The following MCM3AP variants were observed in gnomAD, a reference collection of about 807,000 sequenced individuals.
MCM3AP encodes germinal-center associated nuclear protein.
In MCM3AP, 126 loss-of-function variants were observed where a neutral mutation model predicts 184.1. The ratio of observed to expected loss-of-function variants is 0.68; its 90% CI spans 0.59 to 0.79. The LOEUF (loss-of-function observed/expected upper bound fraction) is 0.79. MCM3AP is among the 30% of genes least tolerant of loss of function. The pLI is 0.00. For missense variants in MCM3AP, 2,496 were observed against 2,479.2 expected (o/e 1.01, Z -0.14); for synonymous variants, 1,002 against 979.3 (o/e 1.02, Z -0.43).
intron 26 of MCM3AP, among the ~76,000 whole-genome samples, chr21:46,237,440 T>TTCCAAAACATATTC (rs1359432449): frequency 1.3e-4 from 16 of 125,646 alleles, no homozygotes; most frequent in Admixed American, 3.4e-4. Flanking sequence ...GGTCTCGCTC[T>TTCCAAAACATATTC]GTTGGCCAGG....
At chr21:46,258,502 C>A (rs1393275382) in intron 16 of MCM3AP, among the ~76,000 whole-genome samples, 1 of 152,108 alleles carries the variant, frequency 6.6e-6, no homozygotes, top group Non-Finnish European at 1.5e-5. Context: ...TCTGAAACAA[C>A]CTATTTAGTT....
Position 46,240,947 on chromosome 21 carries a change from A to C in MCM3AP, c.5497T>G (p.Trp1833Gly). ...TGAGCACACTCTGTGCTCCTCTTCC[A>C]GTTACGGTGCATGTGAAGCAATGGT... Reference protein sequence around the residue: ...PIPLLHMHRNWKRSTECAQEG... With the variant: ...PIPLLHMHRNGKRSTECAQEG... The change falls in exon 26 of 28, where the codon TGG becomes GGG. Residue 1833 changes from tryptophan to glycine, a missense_variant. By Grantham distance (184) the Trp-to-Gly change is radical. This residue lies in a region of MCM3AP where 1,323 missense variants were observed against 1,273.4 expected (regional missense o/e 1.04). Transcript: ENST00000291688. The C allele has an allele frequency of 6.2e-7, 1 of 1,614,138 alleles. No homozygotes were observed. Among genetic ancestry groups the C allele is most frequent in the Non-Finnish European group, 8.5e-7 (1 of 1,179,978 alleles).
chr21:46,242,996 AAAACAC>A, intron 24 of MCM3AP, 65 bp from the exon 25 acceptor site: 15 of 1,411,174 alleles, frequency 1.1e-5, no homozygotes, highest in Admixed American at 4.9e-5. Flanking sequence ...AAAAAAAAAA[AAAACAC>A]ACACAAAAAA....
rs762638313 is a variant in MCM3AP, at chr21:46,240,948, G to A, written c.5496C>T (p.Asn1832=). ...GAGCACACTCTGTGCTCCTCTTCCA[G>A]TTACGGTGCATGTGAAGCAATGGTA... The part of the protein sequence containing the change: ...FPIPLLHMHR[N]WKRSTECAQE... The change falls in exon 26 of 28, where the codon AAC becomes AAT. Residue 1832 remains asparagine, a synonymous_variant. Transcript: ENST00000291688. 6.2e-7 allele frequency: 1 copy of A among 1,614,178 alleles called. No individual in the cohort carries two copies. Among genetic ancestry groups the A allele is most frequent in the South Asian group, 1.1e-5 (1 of 91,084 alleles).
At chr21:46,258,907 G>GA (rs2080997489) in intron 16 of MCM3AP, 32 bp downstream of exon 16, 5 of 1,612,450 alleles carry the variant, frequency 3.1e-6, no homozygotes, top group Non-Finnish European at 4.2e-6. Context: ...CCCCGTGTGT[G>GA]TGGATTTTGC....
chr21:46,259,101 G>A lies in MCM3AP; in HGVS notation c.3582-10C>T, dbSNP rs2081001489. The A allele has an allele frequency of 1.2e-6, 2 of 1,601,684 alleles. No homozygotes were observed. Among genetic ancestry groups the A allele is most frequent in the Non-Finnish European group, 1.7e-6 (2 of 1,174,392 alleles). On this transcript the variant is annotated splice_polypyrimidine_tract_variant and intron_variant, in intron 15 of 27. Transcript: ENST00000291688. The stretch of plus-strand genomic sequence containing the variant: ...TGTCTCTACTGCATTCCTAGAAACA[G>A]GGCAATCAGCATGGAAGACACTGCA...
chr21:46,258,393 A>G (rs989744831), intron 16 of MCM3AP, among the ~76,000 whole-genome samples: 1 of 152,226 alleles, frequency 6.6e-6, no homozygotes, highest in Admixed American at 6.5e-5. Context: ...AGTTGTGGCC[A>G]TGAGAGGCAC....
In MCM3AP at chr21:46,235,313, G is replaced by C. The variant is rs766396220; in HGVS notation, c.5898C>G (p.Ala1966=). ...GCAGCGCAGAGAGATGGAGCTCAGA[G>C]GCAACTTCCTCTTCCCTTGAACTCC... The part of the protein sequence containing the change: ...LIRSSREEEV[A]SELHLSALLD... Residue 1966 remains alanine, a synonymous_variant, in exon 28 of 28, where the codon GCC becomes GCG. Transcript: ENST00000291688. The C allele has an allele frequency of 2.5e-6, 4 of 1,614,168 alleles. No individual in the cohort carries two copies. The highest frequency in any genetic ancestry group is 3.4e-6 in the Non-Finnish European group (4 of 1,180,028).
chr21:46,261,419 G>T lies in MCM3AP; in HGVS notation c.3336-8C>A. On this transcript the variant is annotated splice_polypyrimidine_tract_variant and splice_region_variant and intron_variant, in intron 13 of 27. Coordinates refer to ENST00000291688, the MANE Select transcript of MCM3AP (RefSeq NM_003906.5). ...ATAGCAGCATTAGAAACACTAAACG[G>T]AGCAAAGGGGATAGCATTCAAAATC... is the stretch of plus-strand genomic sequence containing the variant. 2 of 1,613,448 alleles carry T rather than the reference G, an allele frequency of 1.2e-6. No homozygotes were observed. Among genetic ancestry groups the T allele is most frequent in the Non-Finnish European group, 1.7e-6 (2 of 1,179,790 alleles).
Position 46,284,544 on chromosome 21 carries a change from C to T in MCM3AP, c.743G>A (p.Ser248Asn). The T allele has an allele frequency of 6.2e-7, 1 of 1,614,218 alleles. No individual in the cohort carries two copies. Among genetic ancestry groups the T allele is most frequent in the Non-Finnish European group, 8.5e-7 (1 of 1,180,040 alleles). Residue 248 changes from serine to asparagine, a missense_variant, in exon 1 of 28, where the codon AGC becomes AAC. Transcript: ENST00000291688. ...AGATGATACAGGGAAGCTACTGAAGCTATTATTAGAACTTCCAAATATTGA... is the reference window on the plus strand; with the variant it reads ...AGATGATACAGGGAAGCTACTGAAGTTATTATTAGAACTTCCAAATATTGA... ...PKSIFGSSNN[S>N]FSSFPVSSAV... is the part of the protein sequence containing the mutation.
rs1287844751 is a variant in MCM3AP, at chr21:46,254,108, G to A, written c.4136+284C>T. 1.7e-5 allele frequency: 7 copies of A among 418,278 alleles called. No individual in the cohort carries two copies. In the East Asian group the frequency reaches 1.9e-4, roughly 11 times the overall value. The allele number at this position is 418,278 out of a possible 1,614,324, so 25.9% of individuals were successfully genotyped here. A position where few individuals can be genotyped will look rare whatever the true frequency, so the allele number is the denominator to read the frequency against. On this transcript the variant is annotated intron_variant, in intron 19 of 27. Coordinates refer to ENST00000291688, the MANE Select transcript of MCM3AP (RefSeq NM_003906.5). Reference sequence around the variant, plus strand: ...CCCCAGCCATGCTTCCTGTACAGCCGAGCCAATTAAACCTCTTTATAAAGT... The same window carrying A: ...CCCCAGCCATGCTTCCTGTACAGCCAAGCCAATTAAACCTCTTTATAAAGT...
intron 9 of MCM3AP, among the ~76,000 whole-genome samples, chr21:46,269,453 C>G (rs996158513): frequency 7.2e-5 from 11 of 152,202 alleles, no homozygotes; most frequent in Admixed American, 5.9e-4. Context: ...TGTGGAAAAC[C>G]TTTTCATTTA....
At position 46,238,619 on chromosome 21, in the gene MCM3AP, A is replaced by T. The variant is rs1449498010; in HGVS notation, c.5634-1640T>A. On this transcript the variant is annotated intron_variant, in intron 26 of 27. Transcript: ENST00000291688. ...GCTACTTGGGAGGCTGGGGCAGGAG[A>T]ACTGCTTGAACCTGGGAGGTGGAGG... Among the ~76,000 whole-genome samples, 3 of 119,934 alleles carry T rather than the reference A, an allele frequency of 2.5e-5. 1 individual carries two copies. The highest frequency in any genetic ancestry group is 6.8e-5 in the African/African-American group (2 of 29,602). 78.7% of individuals were successfully genotyped at this position (119,934 alleles called of 152,430 possible). A position where few individuals can be genotyped will look rare whatever the true frequency, so the allele number is the denominator to read the frequency against.
At chr21:46,276,198 G>T (rs898258546) in intron 5 of MCM3AP, among the ~76,000 whole-genome samples, 5 of 151,740 alleles carry the variant, frequency 3.3e-5, no homozygotes, top group Non-Finnish European at 7.4e-5. Context: ...GTTGCAGTGA[G>T]CTGACGTTGC....
Position 46,265,474 on chromosome 21 carries a change from G to C in MCM3AP, c.3081C>G (p.Ser1027=). 2 of 1,613,182 alleles carry C rather than the reference G, an allele frequency of 1.2e-6. No individual in the cohort carries two copies. The highest frequency in any genetic ancestry group is 1.1e-5 in the South Asian group (1 of 91,016). Residue 1027 remains serine (S), a synonymous_variant, in exon 12 of 28, where the codon TCC becomes TCG. Transcript: ENST00000291688. The stretch of plus-strand genomic sequence containing the variant: ...GGGCTGGTAGAGACTGTGGGAGACT[G>C]GACAGGGGTGCATCCGGCTCTACAC... ...ECGVEPDAPL[S]SLPQSLPAPA...
chr21:46,238,716 G>GA lies in MCM3AP; in HGVS notation c.5634-1738dup, dbSNP rs1036667013. 4.5e-4 allele frequency among the ~76,000 whole-genome samples: 24 copies of GA among 53,454 alleles called. 8 individuals carry two copies. Among genetic ancestry groups the GA allele is most frequent in the African/African-American group, 1.4e-3 (17 of 12,406 alleles). The allele number at this position is 53,454 out of a possible 152,430, so 35.1% of individuals were successfully genotyped here. On this transcript the variant is annotated intron_variant, in intron 26 of 27. Transcript: ENST00000291688. ...GAGCGAGACTCTATCTAATAAAAAG[G>GA]AAAAAAAAATCTCATCCCAAACCAC...
At position 46,236,979 on chromosome 21, in the gene MCM3AP, C is replaced by A; in HGVS notation, c.5634G>T (p.Arg1878Ser). The change falls in exon 27 of 28, where the codon AGG becomes AGT. Residue 1878 changes from arginine (R) to serine (S), a missense_variant and splice_region_variant. Arg to Ser is a moderately radical substitution (Grantham distance 110). Transcript: ENST00000291688. ...SLLLEKEENK[R>S]FEDQLQQWLS... ...ACCATTGCTGAAGCTGATCTTCAAA[C>A]CTGAAACAATATGTAATAAATTCAA... is the stretch of plus-strand genomic sequence containing the variant. 3 of 1,508,726 alleles carry A rather than the reference C, an allele frequency of 2.0e-6. No homozygotes were observed. Among genetic ancestry groups the A allele is most frequent in the Admixed American group, 2.6e-5 (1 of 38,988 alleles). The allele number at this position is 1,508,726 out of a possible 1,614,324, so 93.5% of individuals were successfully genotyped here.
In MCM3AP at chr21:46,262,207, G is replaced by A. The variant is rs75114044; in HGVS notation, c.3336-796C>T. Among the ~76,000 whole-genome samples the A allele has an allele frequency of 2.6e-3, 398 of 152,310 alleles. 2 individuals are homozygous for A. Among genetic ancestry groups the A allele is most frequent in the South Asian group, 0.025 (120 of 4,834 alleles). ...GGTATGAGACCAGAAGGTTTCACTG[G>A]TAAATTCTATTAAACACTAACGAAA... On this transcript the variant is annotated intron_variant, in intron 13 of 27. Transcript: ENST00000291688.
chr21:46,257,097 G>C, intron 16 of MCM3AP, 111 bp from the exon 17 acceptor site: 2 of 1,430,882 alleles, frequency 1.4e-6, no homozygotes, highest in Non-Finnish European at 1.9e-6. Flanking sequence ...AATGAGTGTG[G>C]TGAGCAATGA....
Sources: gnomAD v4.1 joint callset for allele counts (sites outside exome capture counted in the v4.1 genomes callset) on GRCh38, gnomAD v4.1.1 for gene constraint, gnomAD v4.1.1 regional missense constraint, MANE v1.5 for transcripts, NCBI Gene and HGNC (gene_info 2026-07-23, HGNC 2026-07-21) for gene names.